The following ZAP70 variants were observed in gnomAD, a reference collection of about 807,000 sequenced individuals.
ZAP70 encodes tyrosine-protein kinase ZAP-70.
In ZAP70, 27 loss-of-function variants were observed where a neutral mutation model predicts 65.8. The observed-to-expected ratio is 0.41, with a 90% confidence interval of 0.30 to 0.57. ZAP70 has a LOEUF of 0.57. Among genes scored for constraint, ZAP70 ranks in the 20% least tolerant of loss-of-function variants. The pLI is 0.28. For missense variants in ZAP70, 696 were observed against 870.5 expected, an observed-to-expected ratio of 0.80 and a Z score of 2.52; for synonymous variants, 363 against 360.8, an observed-to-expected ratio of 1.01 and a Z score of -0.07.
Position 97,715,935 on chromosome 2 carries a change from G to A in ZAP70, c.-22+1941G>A, listed in dbSNP as rs577218648. 2.0e-5 allele frequency among the ~76,000 whole-genome samples: 3 copies of A among 152,298 alleles called. No homozygotes were observed. Among genetic ancestry groups the A allele is most frequent in the East Asian group, 1.9e-4 (1 of 5,192 alleles). On this transcript the variant is annotated intron_variant, in intron 2 of 13. Coordinates refer to ENST00000264972, the MANE Select transcript of ZAP70 (RefSeq NM_001079.4). This position sits in a 1 kb window ranked among gnomAD's most constrained non-coding sequence, Gnocchi z 4.1. ...CTTCCATAGAAAACAAGACAGAGCC[G>A]TGGGCCCTGCCTCGGGGAGCTCAGC...
intron 2 of ZAP70, among the ~76,000 whole-genome samples, chr2:97,720,762 T>C (rs1230089144): frequency 6.6e-6 from 1 of 152,206 alleles, no homozygotes; most frequent in Non-Finnish European, 1.5e-5. Context: ...TCTGTAACTG[T>C]TGGGACATCC....
chr2:97,720,721 G>C (rs1366118578), intron 2 of ZAP70, among the ~76,000 whole-genome samples: 1 of 152,194 alleles, frequency 6.6e-6, no homozygotes, highest in Admixed American at 6.5e-5. Flanking sequence ...CACAAATGCA[G>C]TCCCTTATGA....
chr2:97,739,659 G>T lies in ZAP70; in HGVS notation c.*161G>T, dbSNP rs886056486. On this transcript the variant is annotated 3_prime_UTR_variant, in exon 14 of 14. Coordinates refer to ENST00000264972, the MANE Select transcript of ZAP70 (RefSeq NM_001079.4). ...ACACCGGCCTTGCATTGCCTGCCTG[G>T]CCCCCTGTCCTCTCTGGCTGGGGAG... 2 of 1,163,602 alleles carry T rather than the reference G, an allele frequency of 1.7e-6. No individual in the cohort carries two copies. The highest frequency in any genetic ancestry group is 2.4e-6 in the Non-Finnish European group (2 of 833,690). 72.1% of individuals were successfully genotyped at this position (1,163,602 alleles called of 1,614,324 possible). A position where few individuals can be genotyped will look rare whatever the true frequency, so the allele number is the denominator to read the frequency against.
Position 97,731,543 on chromosome 2 carries a change from G to A in ZAP70, c.564-1340G>A, listed in dbSNP as rs867032850. Among the ~76,000 whole-genome samples the A allele has an allele frequency of 2.6e-5, 4 of 152,252 alleles. No individual in the cohort carries two copies. The highest frequency in any genetic ancestry group is 5.9e-5 in the Non-Finnish European group (4 of 68,018). ...CTCCAGACTGTTGTGGGCTAGCCTG[G>A]GAACTGCCCCACCCTTCACTGCACT... On this transcript the variant is annotated intron_variant, in intron 4 of 13. Transcript: ENST00000264972. The surrounding 1 kb of genome is among the most constrained non-coding windows in gnomAD (Gnocchi z 4.0).
chr2:97,753,143 C>T, the ZAP70 span, among the ~76,000 whole-genome samples: 40 of 152,256 alleles, frequency 2.6e-4, no homozygotes, highest in African/African-American at 9.1e-4. Flanking sequence ...GCAACAGGCA[C>T]CTATAACCTG....
downstream of ZAP70, among the ~76,000 whole-genome samples, chr2:97,742,007 G>A (rs1678142158): frequency 6.6e-6 from 1 of 152,206 alleles, no homozygotes; most frequent in African/African-American, 2.4e-5. Flanking sequence ...GTGACATTTG[G>A]TTGGGGACCG....
chr2:97,716,444 A>G (rs1676918322), intron 2 of ZAP70, among the ~76,000 whole-genome samples: 2 of 152,228 alleles, frequency 1.3e-5, no homozygotes, highest in Admixed American at 1.3e-4. Context: ...ACCAATAGAT[A>G]CAATATCATC....
intron 2 of ZAP70, among the ~76,000 whole-genome samples, chr2:97,721,003 C>G (rs1193586374): frequency 1.3e-5 from 2 of 152,188 alleles, no homozygotes; most frequent in Non-Finnish European, 2.9e-5. Context: ...GAAGGGCACT[C>G]AAAGTCAATT....
In ZAP70 at chr2:97,738,027, C is replaced by T. The variant is rs150096962; in HGVS notation, c.1656C>T (p.Ile552=). 5.2e-4 allele frequency: 844 copies of T among 1,613,230 alleles called. No homozygotes were observed. The highest frequency in any genetic ancestry group is 6.6e-4 in the Non-Finnish European group (778 of 1,179,548). Reference sequence around the variant, plus strand: ...AAGGGCCGGAGGTCATGGCCTTCATCGAGCAGGGCAAGCGGATGGAGTGCC... The same window carrying T: ...AAGGGCCGGAGGTCATGGCCTTCATTGAGCAGGGCAAGCGGATGGAGTGCC... ...KMKGPEVMAF[I]EQGKRMECPP... Residue 552 remains isoleucine, a synonymous_variant, in exon 13 of 14, where the codon ATC becomes ATT. Transcript: ENST00000264972.
intron 2 of ZAP70, among the ~76,000 whole-genome samples, chr2:97,718,912 C>T (rs1677054411): frequency 6.6e-6 from 1 of 152,074 alleles, no homozygotes; most frequent in African/African-American, 2.4e-5. Context: ...GATGGGCTGG[C>T]TGGGTTGGAG....
intron 2 of ZAP70, among the ~76,000 whole-genome samples, chr2:97,719,561 G>GC (rs1553572125): frequency 6.7e-6 from 1 of 149,170 alleles, no homozygotes; most frequent in Non-Finnish European, 1.5e-5. Context: ...CCTGGGGGGG[G>GC]GGCGCAGACC....
chr2:97,724,252 C>G lies in ZAP70; in HGVS notation c.216C>G (p.Ala72=). ...AGCTCAACGGCACCTACGCCATTGC[C>G]GGCGGCAAAGCGCACTGTGGACCGG... ...ERQLNGTYAI[A]GGKAHCGPAE... Residue 72 remains alanine, a synonymous_variant, in exon 3 of 14, where the codon GCC becomes GCG. Coordinates refer to ENST00000264972, the MANE Select transcript of ZAP70 (RefSeq NM_001079.4). 1 of 1,604,840 alleles carries G rather than the reference C, an allele frequency of 6.2e-7. No individual in the cohort carries two copies. Among genetic ancestry groups the G allele is most frequent in the Non-Finnish European group, 8.5e-7 (1 of 1,177,796 alleles).
At chr2:97,721,690 C>G (rs116238158) in intron 2 of ZAP70, among the ~76,000 whole-genome samples, 5,074 of 151,190 alleles carry the variant, frequency 0.034, 290 homozygotes, top group African/African-American at 0.12. Flanking sequence ...CCTCGGCCTC[C>G]CATAATGCTG....
chr2:97,755,193 G>A, the ZAP70 span, among the ~76,000 whole-genome samples: 1 of 152,144 alleles, frequency 6.6e-6, no homozygotes, highest in Non-Finnish European at 1.5e-5. Flanking sequence ...GCGTTGTGGC[G>A]TACCGAGACT....
intron 4 of ZAP70, among the ~76,000 whole-genome samples, chr2:97,732,098 TG>T (rs889631188): frequency 6.6e-6 from 1 of 151,916 alleles, no homozygotes; most frequent in Admixed American, 6.6e-5. Flanking sequence ...CTGGAGCGGA[TG>T]GGGGGACAGT....
chr2:97,752,749 C>G, the ZAP70 span, among the ~76,000 whole-genome samples: 1 of 152,136 alleles, frequency 6.6e-6, no homozygotes, highest in African/African-American at 2.4e-5. Flanking sequence ...GTGGACTAGC[C>G]CCAATCACAT....
At chr2:97,717,499 C>T (rs1487880433) in intron 2 of ZAP70, among the ~76,000 whole-genome samples, 1 of 151,292 alleles carries the variant, frequency 6.6e-6, no homozygotes, top group South Asian at 2.1e-4. Flanking sequence ...CACGTGGAGC[C>T]TCTGGCTGGG....
intron 2 of ZAP70, among the ~76,000 whole-genome samples, chr2:97,720,115 G>A (rs559483577): frequency 2.0e-5 from 3 of 152,240 alleles, no homozygotes; most frequent in South Asian, 4.1e-4. Context: ...CTAATTTTTG[G>A]CAACTGTGGC....
At chr2:97,748,424 T>C in the ZAP70 span, among the ~76,000 whole-genome samples, 1 of 152,160 alleles carries the variant, frequency 6.6e-6, no homozygotes, top group African/African-American at 2.4e-5. Flanking sequence ...AATTTCGTAT[T>C]GGTCTGATTT....
Sources: gnomAD v4.1 joint callset for allele counts (sites outside exome capture counted in the v4.1 genomes callset) on GRCh38, gnomAD v4.1.1 for gene constraint, Gnocchi (gnomAD v3.1) non-coding constraint, MANE v1.5 for transcripts, NCBI Gene and HGNC (gene_info 2026-07-23, HGNC 2026-07-21) for gene names.